Variants in PLCB1 observed in about 807,000 individuals in gnomAD.
PLCB1 encodes 1-phosphatidylinositol 4,5-bisphosphate phosphodiesterase beta-1.
A neutral mutation model predicts 161.8 loss-of-function variants in PLCB1; 46 were observed. The ratio of observed to expected loss-of-function variants is 0.28; its 90% confidence interval spans 0.22 to 0.36. PLCB1 has a LOEUF of 0.36. PLCB1 is among the 10% of genes least tolerant of loss of function. The pLI is 1.00. For synonymous variants in PLCB1, 517 were observed against 503.7 expected (o/e 1.03, Z -0.35); for missense variants, 1,016 against 1,472.5 (o/e 0.69, Z 5.07).
chr20:8,478,427 A>G (rs1232767440), intron 3 of PLCB1, among the ~76,000 whole-genome samples: 1 of 152,206 alleles, frequency 6.6e-6, no homozygotes, highest in Non-Finnish European at 1.5e-5. Context: ...CACAGAGCCA[A>G]CAGAACTTGA....
At chr20:8,825,769 G>A (rs1366041456) in intron 31 of PLCB1, among the ~76,000 whole-genome samples, 1 of 152,200 alleles carries the variant, frequency 6.6e-6, no homozygotes, top group Non-Finnish European at 1.5e-5. Flanking sequence ...CAAGCGGGTT[G>A]CAAAAGATTA....
chr20:8,856,966 T>C (rs1411733904), intron 31 of PLCB1, among the ~76,000 whole-genome samples: 2 of 152,234 alleles, frequency 1.3e-5, no homozygotes, highest in Non-Finnish European at 2.9e-5. Context: ...TGTTCTCACT[T>C]ATGTGTCTGG....
At chr20:8,625,897 C>A (rs1279291149) in intron 3 of PLCB1, among the ~76,000 whole-genome samples, 3 of 151,970 alleles carry the variant, frequency 2.0e-5, no homozygotes, top group Non-Finnish European at 4.4e-5. Flanking sequence ...GACCAATAGT[C>A]TTTTAAAAAA....
intron 3 of PLCB1, among the ~76,000 whole-genome samples, chr20:8,586,502 A>C (rs1040218512): frequency 6.6e-6 from 1 of 152,080 alleles, no homozygotes; most frequent in Non-Finnish European, 1.5e-5. Context: ...GTAGGGAAAA[A>C]CGTATTTGCA....
At chr20:8,377,765 G>T (rs1263198543) in intron 3 of PLCB1, among the ~76,000 whole-genome samples, 2 of 152,092 alleles carry the variant, frequency 1.3e-5, no homozygotes, top group Non-Finnish European at 2.9e-5. Context: ...AAGGAAGGAA[G>T]AGCATATTTA....
chr20:8,257,082 G>A (rs1316586581), intron 2 of PLCB1, among the ~76,000 whole-genome samples: 2 of 152,058 alleles, frequency 1.3e-5, no homozygotes, highest in East Asian at 1.9e-4. Context: ...CATGTGTTCT[G>A]TCTCCAGAGA....
chr20:8,737,306 T>C (rs1289827111), intron 20 of PLCB1, 114 bp downstream of exon 20: 78 of 867,234 alleles, frequency 9.0e-5, no homozygotes, highest in Non-Finnish European at 1.0e-4. Flanking sequence ...TACACACTTA[T>C]AAAGCAATTA....
chr20:8,430,295 GGGAGA>G (rs1979980192), intron 3 of PLCB1, among the ~76,000 whole-genome samples: 2 of 152,178 alleles, frequency 1.3e-5, no homozygotes, highest in South Asian at 4.1e-4. Context: ...CTAGGGGACA[GGGAGA>G]GGCCTCAGGT....
intron 20 of PLCB1, among the ~76,000 whole-genome samples, chr20:8,738,113 CTT>C (rs1980677272): frequency 6.6e-6 from 1 of 152,198 alleles, no homozygotes; most frequent in Non-Finnish European, 1.5e-5. Flanking sequence ...AGTAGTTGCT[CTT>C]TGCTTACTGT....
chr20:8,523,496 C>CTCTCTCTCTCTCTATATATATATATATA, intron 3 of PLCB1, among the ~76,000 whole-genome samples: 1 of 51,652 alleles, frequency 1.9e-5, no homozygotes, highest in African/African-American at 8.3e-5. Context: ...CTCTCTCTCT[C>CTCTCTCTCTCTCTATATATATATATATA]TATATATATA....
chr20:8,492,975 G>A (rs1983009943), intron 3 of PLCB1, among the ~76,000 whole-genome samples: 1 of 152,004 alleles, frequency 6.6e-6, no homozygotes, highest in Non-Finnish European at 1.5e-5. Flanking sequence ...AGGTCAAACT[G>A]TTCAGATAAA....
At chr20:8,185,147 G>A (rs6039077) in intron 2 of PLCB1, among the ~76,000 whole-genome samples, 58,099 of 151,942 alleles carry the variant, frequency 0.38, 12,696 homozygotes, top group African/African-American at 0.61. Context: ...AAGGCTGTGG[G>A]GAAACAGGCT....
intron 10 of PLCB1, among the ~76,000 whole-genome samples, chr20:8,687,358 A>T (rs1384277454): frequency 2.0e-5 from 3 of 152,036 alleles, no homozygotes; most frequent in Admixed American, 6.6e-5. Flanking sequence ...TTATTTTTCC[A>T]TAAGTTATAA....
intron 3 of PLCB1, among the ~76,000 whole-genome samples, chr20:8,460,696 G>C (rs1244273584): frequency 6.6e-6 from 1 of 152,112 alleles, no homozygotes. Context: ...TCACCCACTA[G>C]CCCACATATT....
At chr20:8,632,856 G>T (rs1437897757) in intron 4 of PLCB1, among the ~76,000 whole-genome samples, 1 of 152,108 alleles carries the variant, frequency 6.6e-6, no homozygotes, top group Non-Finnish European at 1.5e-5. Context: ...GCTGTAGGAT[G>T]GCATAGGCTT....
At position 8,515,979 on chromosome 20, in the gene PLCB1, G is replaced by A. The variant is rs964769445; in HGVS notation, c.247-112315G>A. ...CTCACACTCATGGCAGAAGGCAAAG[G>A]AAGAGCAAAGTCACATCTTACATGG... On this transcript the variant is annotated intron_variant, in intron 3 of 31. Coordinates refer to ENST00000338037, the MANE Select transcript of PLCB1 (RefSeq NM_015192.4). Among the ~76,000 whole-genome samples, 5 of 152,286 alleles carry A rather than the reference G, an allele frequency of 3.3e-5. No individual in the cohort carries two copies. In the South Asian group the frequency reaches 1.0e-3, roughly 32 times the overall value.
chr20:8,785,331 C>T (rs917857921), intron 27 of PLCB1, among the ~76,000 whole-genome samples: 1 of 152,094 alleles, frequency 6.6e-6, no homozygotes, highest in Non-Finnish European at 1.5e-5. Context: ...GAGTAGGGCC[C>T]GAGAACTTAC....
chr20:8,523,496 C>CTCTCTATTTA, intron 3 of PLCB1, among the ~76,000 whole-genome samples: 1 of 51,630 alleles, frequency 1.9e-5, no homozygotes, highest in African/African-American at 8.3e-5. Context: ...CTCTCTCTCT[C>CTCTCTATTTA]TATATATATA....
At chr20:8,638,518 A>G (rs998723581) in intron 4 of PLCB1, among the ~76,000 whole-genome samples, 5 of 152,170 alleles carry the variant, frequency 3.3e-5, no homozygotes, top group African/African-American at 1.2e-4. Flanking sequence ...GCACACACAC[A>G]TGAAAAAAGC....
Sources: gnomAD v4.1 joint callset for allele counts (sites outside exome capture counted in the v4.1 genomes callset) on GRCh38, gnomAD v4.1.1 for gene constraint, MANE v1.5 for transcripts, NCBI Gene and HGNC (gene_info 2026-07-23, HGNC 2026-07-21) for gene names.